Variants in CHCHD6 observed in about 807,000 individuals in gnomAD.
CHCHD6 encodes coiled-coil-helix-coiled-coil-helix domain containing 6.
A neutral mutation model predicts 32.3 loss-of-function variants in CHCHD6; 28 were observed. The observed-to-expected ratio is 0.87, with a 90% CI of 0.64 to 1.19. CHCHD6 has a LOEUF of 1.19. Among genes scored for constraint, CHCHD6 ranks in the 50% most tolerant of loss-of-function variants. The pLI, the probability that CHCHD6 is intolerant of heterozygous loss-of-function variation, is 0.00. For synonymous variants in CHCHD6, 122 were observed against 117.5 expected (o/e 1.04, Z -0.25); for missense variants, 333 against 307.0 (o/e 1.08, Z -0.63).
At chr3:126,886,921 C>T (rs1278546593) in intron 5 of CHCHD6, among the ~76,000 whole-genome samples, 1 of 152,218 alleles carries the variant, frequency 6.6e-6, no homozygotes, top group Non-Finnish European at 1.5e-5. Flanking sequence ...CTTCCACCCT[C>T]CCTTCACCCC....
intron 6 of CHCHD6, among the ~76,000 whole-genome samples, chr3:126,925,802 G>A (rs1328739755): frequency 2.6e-5 from 4 of 152,180 alleles, no homozygotes; most frequent in Admixed American, 2.6e-4. Flanking sequence ...AGCCACGGAG[G>A]GCCTGGAGTG....
intron 4 of CHCHD6, among the ~76,000 whole-genome samples, chr3:126,842,251 G>A (rs1289110400): frequency 6.6e-6 from 1 of 152,108 alleles, no homozygotes; most frequent in South Asian, 2.1e-4. Flanking sequence ...TTAAAAAAAA[G>A]AACTGTTTAA....
At chr3:126,841,986 C>T (rs1232147022) in intron 4 of CHCHD6, among the ~76,000 whole-genome samples, 1 of 152,074 alleles carries the variant, frequency 6.6e-6, no homozygotes, top group East Asian at 1.9e-4. Flanking sequence ...TAATGGCTCA[C>T]ACTTGTAATC....
chr3:126,910,273 G>GAAAACAAAAAAAAC (rs1553756145), intron 5 of CHCHD6, among the ~76,000 whole-genome samples: 1 of 111,456 alleles, frequency 9.0e-6, no homozygotes, highest in Non-Finnish European at 1.8e-5. Context: ...CCTGCCTCAG[G>GAAAACAAAAAAAAC]AAAAAAAAAA....
intron 4 of CHCHD6, among the ~76,000 whole-genome samples, chr3:126,845,926 CA>C (rs1941280712): frequency 6.6e-6 from 1 of 152,074 alleles, no homozygotes; most frequent in South Asian, 2.1e-4. Flanking sequence ...GAAAATTGAT[CA>C]AAGGCTTGCA....
chr3:126,816,862 C>A (rs1316118443), intron 4 of CHCHD6, among the ~76,000 whole-genome samples: 3 of 152,146 alleles, frequency 2.0e-5, no homozygotes, highest in Admixed American at 1.3e-4. Flanking sequence ...TCCCTCCCCC[C>A]TCTTCCCACC....
At chr3:126,828,027 GAA>G (rs1233024100) in intron 4 of CHCHD6, among the ~76,000 whole-genome samples, 1 of 151,964 alleles carries the variant, frequency 6.6e-6, no homozygotes, top group Non-Finnish European at 1.5e-5. Flanking sequence ...TTTCTTCTGG[GAA>G]GCCTTTCCTG....
intron 5 of CHCHD6, among the ~76,000 whole-genome samples, chr3:126,905,006 A>G (rs1348101580): frequency 6.6e-6 from 1 of 152,158 alleles, no homozygotes; most frequent in Non-Finnish European, 1.5e-5. Flanking sequence ...TGCTTCCAGG[A>G]GGCTAGGCCA....
At chr3:126,916,801 C>G (rs2078177912) in intron 6 of CHCHD6, among the ~76,000 whole-genome samples, 1 of 152,250 alleles carries the variant, frequency 6.6e-6, no homozygotes, top group African/African-American at 2.4e-5. Context: ...TGCTGAGTGA[C>G]AGCTACAGCA....
chr3:126,737,767 G>C (rs1232577565), intron 4 of CHCHD6, among the ~76,000 whole-genome samples: 2 of 152,054 alleles, frequency 1.3e-5, no homozygotes, highest in African/African-American at 4.8e-5. Flanking sequence ...CTTGAGCAAA[G>C]GCCACGCATT....
intron 4 of CHCHD6, among the ~76,000 whole-genome samples, chr3:126,838,651 C>G (rs957469676): frequency 6.6e-6 from 1 of 152,188 alleles, no homozygotes; most frequent in Non-Finnish European, 1.5e-5. Flanking sequence ...GTTTCTTCTT[C>G]AGACTCATAG....
At chr3:126,750,138 T>C (rs892248545) in intron 4 of CHCHD6, among the ~76,000 whole-genome samples, 1 of 152,156 alleles carries the variant, frequency 6.6e-6, no homozygotes, top group East Asian at 1.9e-4. Flanking sequence ...GCAATTGGGA[T>C]AGCTGCTCAG....
At chr3:126,949,352 G>A in intron 6 of CHCHD6, 1 of 230,478 alleles carries the variant, frequency 4.3e-6, no homozygotes, top group South Asian at 4.9e-5. Context: ...GCCATGGACG[G>A]AAGGGAAGGC....
At chr3:126,771,428 C>T (rs1937540901) in intron 4 of CHCHD6, among the ~76,000 whole-genome samples, 2 of 152,026 alleles carry the variant, frequency 1.3e-5, no homozygotes, top group African/African-American at 4.8e-5. Context: ...TGGTCTTGAT[C>T]TCCTGACCTC....
chr3:126,898,114 C>T (rs552922204), intron 5 of CHCHD6, among the ~76,000 whole-genome samples: 3 of 152,368 alleles, frequency 2.0e-5, no homozygotes, highest in African/African-American at 4.8e-5. Context: ...GGGTGAGGCC[C>T]TTCAGGTCCG....
At chr3:126,755,342 T>A (rs886166641) in intron 4 of CHCHD6, among the ~76,000 whole-genome samples, 1 of 152,158 alleles carries the variant, frequency 6.6e-6, no homozygotes, top group Non-Finnish European at 1.5e-5. Context: ...AGGGTGAGGC[T>A]AGGTGGCCTG....
At chr3:126,935,928 C>G (rs2107600839) in intron 6 of CHCHD6, among the ~76,000 whole-genome samples, 1 of 152,318 alleles carries the variant, frequency 6.6e-6, no homozygotes, top group South Asian at 2.1e-4. Flanking sequence ...AGGGAGAGCC[C>G]AGCTTCTGCT....
chr3:126,739,938 T>A (rs1270035517), intron 4 of CHCHD6, among the ~76,000 whole-genome samples: 1 of 152,216 alleles, frequency 6.6e-6, no homozygotes, highest in South Asian at 2.1e-4. Context: ...CTGGTCATCA[T>A]ATGCAGGAGA....
intron 4 of CHCHD6, among the ~76,000 whole-genome samples, chr3:126,778,210 A>G (rs1273596616): frequency 6.6e-6 from 1 of 152,202 alleles, no homozygotes; most frequent in Non-Finnish European, 1.5e-5. Flanking sequence ...TTTAGCTACT[A>G]TGAATAGTGC....
Sources: allele counts gnomAD v4.1 joint callset (sites outside exome capture counted in the v4.1 genomes callset), GRCh38; gene constraint gnomAD v4.1.1; transcripts MANE v1.5; gene names NCBI Gene and HGNC (gene_info 2026-07-23, HGNC 2026-07-21).